Variants in TENM2 observed in about 807,000 individuals in gnomAD.
The protein encoded by TENM2 is teneurin-2.
In TENM2, 52 loss-of-function variants were observed where a neutral mutation model predicts 245.2. The ratio of observed to expected loss-of-function variants is 0.21; its 90% CI spans 0.17 to 0.27. TENM2 has a LOEUF of 0.27. TENM2 is among the 10% of genes least tolerant of loss of function. The probability of loss-of-function intolerance (pLI) is 1.00; values close to 1 mark genes in which losing one functional copy is unlikely to be tolerated. For missense variants in TENM2, 3,046 were observed against 3,666.8 expected (o/e 0.83, Z 4.37); for synonymous variants, 1,363 against 1,438.9 (o/e 0.95, Z 1.19).
chr5:167,231,606 T>C, the TENM2 span, among the ~76,000 whole-genome samples: 27 of 152,192 alleles, frequency 1.8e-4, no homozygotes, highest in African/African-American at 6.5e-4. Context: ...CTTAAAATTA[T>C]TCAGTTTTAG....
chr5:167,825,605 T>G (rs1266278036), intron 2 of TENM2, among the ~76,000 whole-genome samples: 1 of 152,068 alleles, frequency 6.6e-6, no homozygotes, highest in African/African-American at 2.4e-5. Flanking sequence ...GCAGTGTCAG[T>G]CTGTTGGCAG....
At chr5:168,158,918 T>C (rs577110819) in intron 12 of TENM2, among the ~76,000 whole-genome samples, 112 of 144,162 alleles carry the variant, frequency 7.8e-4, no homozygotes, top group Non-Finnish European at 1.5e-3. Context: ...TATGTATATA[T>C]ACACATATAT....
rs762481909 is a variant in TENM2 at position 168,218,335 on chromosome 5, A to G, written c.4444A>G (p.Ile1482Val). The change falls in exon 23 of 29, where the codon ATT becomes GTT. Residue 1482 changes from isoleucine to valine, a missense_variant. Ile to Val is a conservative substitution (Grantham distance 29, BLOSUM62 3). This residue lies in a region of TENM2 where 2,704 missense variants were observed against 3,331.9 expected (regional missense o/e 0.81). Coordinates refer to ENST00000518659, the Ensembl canonical transcript of TENM2. The surrounding 1 kb of genome is among the most constrained non-coding windows in gnomAD (Gnocchi z 5.2). ...CCTGGAGTCAGCCAGTGCCATTGCCATTTCTCACACTGGGGTCCTCTACAT... is the reference window on the plus strand; with the variant it reads ...CCTGGAGTCAGCCAGTGCCATTGCCGTTTCTCACACTGGGGTCCTCTACAT... 6.2e-7 allele frequency: 1 copy of G among 1,613,980 alleles called. No homozygotes were observed. Among genetic ancestry groups the G allele is most frequent in the South Asian group, 1.1e-5 (1 of 91,072 alleles).
At chr5:167,884,582 G>T (rs1294665149) in intron 3 of TENM2, among the ~76,000 whole-genome samples, 1 of 152,128 alleles carries the variant, frequency 6.6e-6, no homozygotes, top group Non-Finnish European at 1.5e-5. Context: ...CTACAGGACA[G>T]AATTTTCTTC....
chr5:167,745,762 T>C (rs1043741894), intron 2 of TENM2, among the ~76,000 whole-genome samples: 7 of 152,226 alleles, frequency 4.6e-5, no homozygotes, highest in Non-Finnish European at 8.8e-5. Context: ...TCAATGGGCT[T>C]ATATAATGTA....
intron 3 of TENM2, among the ~76,000 whole-genome samples, chr5:167,903,854 T>G (rs1258706408): frequency 6.6e-6 from 1 of 152,100 alleles, no homozygotes; most frequent in African/African-American, 2.4e-5. Flanking sequence ...GGCAAGAGGC[T>G]TGGGTTTGGG....
chr5:167,702,553 T>TATATATATATATATATATATACACATAC (rs1554102838), intron 2 of TENM2, among the ~76,000 whole-genome samples: 2 of 63,592 alleles, frequency 3.1e-5, no homozygotes, highest in African/African-American at 1.9e-4. Flanking sequence ...TGTGTGTGTG[T>TATATATATATATATATATATACACATAC]ATATATATAT....
At chr5:168,107,770 G>A (rs1475994831) in intron 9 of TENM2, among the ~76,000 whole-genome samples, 1 of 152,184 alleles carries the variant, frequency 6.6e-6, no homozygotes, top group East Asian at 1.9e-4. Context: ...TTTTTCAGCT[G>A]GAATGTTCTC....
the TENM2 span, among the ~76,000 whole-genome samples, chr5:166,989,639 G>A: frequency 6.6e-6 from 1 of 151,266 alleles, no homozygotes; most frequent in African/African-American, 2.4e-5. Flanking sequence ...TGATTCTTCC[G>A]CCTCAGCCTC....
the TENM2 span, among the ~76,000 whole-genome samples, chr5:167,088,175 T>C: frequency 6.6e-6 from 1 of 152,170 alleles, no homozygotes; most frequent in Non-Finnish European, 1.5e-5. Context: ...AAGCTGTAAT[T>C]ATTAAAATTA....
In TENM2 at chr5:167,754,899, CAGAAAGGGAGG is replaced by C. The variant is rs1454820040; in HGVS notation, c.503-121084_503-121074del. The C allele has an allele frequency of 6.1e-6, 6 of 984,070 alleles. No individual in the cohort carries two copies. In the Admixed American group the frequency reaches 1.7e-4, roughly 27 times the overall value. The allele number at this position is 984,070 out of a possible 1,614,324, so 61.0% of individuals were successfully genotyped here. A position where few individuals can be genotyped will look rare whatever the true frequency, so the allele number is the denominator to read the frequency against. Reference sequence around the variant, plus strand: ...CTGAGGCTGTCTACAGGGAAGGGAGCAGAAAGGGAGGAGGGAGAGAGCAGATATTGCCTATT... The same window carrying C: ...CTGAGGCTGTCTACAGGGAAGGGAGCAGGGAGAGAGCAGATATTGCCTATT... On this transcript the variant is annotated intron_variant, in intron 2 of 28. Coordinates refer to ENST00000518659, the Ensembl canonical transcript of TENM2.
intron 2 of TENM2, among the ~76,000 whole-genome samples, chr5:167,598,429 A>G (rs1184737682): frequency 2.6e-5 from 4 of 152,136 alleles, no homozygotes; most frequent in Admixed American, 2.0e-4. Flanking sequence ...CTCAAGGGGG[A>G]CTATGATATT....
chr5:167,495,244 GT>G (rs58976192), intron 2 of TENM2, among the ~76,000 whole-genome samples: 93,551 of 143,044 alleles, frequency 0.65, 31,499 homozygotes, highest in Non-Finnish European at 0.78. Flanking sequence ...TTTGTTTTTT[GT>G]TTTTTTTTTT....
chr5:167,900,511 G>C (rs908451753), intron 3 of TENM2, among the ~76,000 whole-genome samples: 4 of 150,934 alleles, frequency 2.7e-5, no homozygotes, highest in Admixed American at 2.6e-4. Context: ...AGTTGGGAGT[G>C]GGGGTAATGA....
the TENM2 span, among the ~76,000 whole-genome samples, chr5:166,988,342 C>T: frequency 2.8e-3 from 420 of 152,284 alleles, 2 homozygotes; most frequent in African/African-American, 9.8e-3. Context: ...ATGTGTTCCC[C>T]ATTTCAACTT....
chr5:168,076,556 C>T (rs1359135780), intron 7 of TENM2, among the ~76,000 whole-genome samples: 1 of 152,110 alleles, frequency 6.6e-6, no homozygotes, highest in African/African-American at 2.4e-5. Flanking sequence ...CAGCTCTCCT[C>T]CCTCCCTGAC....
In TENM2 at chr5:167,920,556, C is replaced by CACACAA. The variant is rs1191230465; in HGVS notation, c.713-32031_713-32030insCACAAA. On this transcript the variant is annotated intron_variant, in intron 3 of 28. Coordinates refer to ENST00000518659, the Ensembl canonical transcript of TENM2. ...ACACACACACACACACACACACACA[C>CACACAA]AAATAGCATGGGCAAGGTACTATTG... Among the ~76,000 whole-genome samples, 6 of 148,454 alleles carry CACACAA rather than the reference C, an allele frequency of 4.0e-5. No homozygotes were observed. The East Asian group carries it at 9.8e-4, about 24-fold the overall frequency.
At chr5:167,226,046 CTTCTT>C in the TENM2 span, among the ~76,000 whole-genome samples, 2 of 151,532 alleles carry the variant, frequency 1.3e-5, no homozygotes, top group Non-Finnish European at 3.0e-5. Context: ...TTATTTGGGT[CTTCTT>C]TTCTTGGTTA....
the TENM2 span, among the ~76,000 whole-genome samples, chr5:167,205,150 G>A: frequency 6.6e-6 from 1 of 152,210 alleles, no homozygotes; most frequent in Non-Finnish European, 1.5e-5. Context: ...GGAGGCCAAG[G>A]CAGGTGGATC....
Sources: allele counts gnomAD v4.1 joint callset (sites outside exome capture counted in the v4.1 genomes callset), GRCh38; gene constraint gnomAD v4.1.1; regional missense constraint gnomAD v4.1.1; non-coding constraint Gnocchi (gnomAD v3.1); transcripts MANE v1.5; gene names NCBI Gene and HGNC (gene_info 2026-07-23, HGNC 2026-07-21).